The following LCMT1 variants were observed in gnomAD, a reference collection of about 807,000 sequenced individuals.
LCMT1 encodes [Phosphatase 2A protein]-leucine-carboxy methyltransferase 1.
In LCMT1, 32 loss-of-function variants were observed where a neutral mutation model predicts 47.7. The ratio of observed to expected loss-of-function variants is 0.67; its 90% CI spans 0.51 to 0.90. LCMT1 has a LOEUF of 0.90. Ranked by LOEUF, LCMT1 falls within the 40% of genes least tolerant of loss-of-function variation. The probability of loss-of-function intolerance (pLI) is 0.00; values close to 1 mark genes in which losing one functional copy is unlikely to be tolerated. For missense variants in LCMT1, 375 were observed against 415.2 expected (o/e 0.90, Z 0.84); for synonymous variants, 152 against 149.7 (o/e 1.02, Z -0.11).
At chr16:25,174,246 G>A (rs2141719916) in intron 9 of LCMT1, among the ~76,000 whole-genome samples, 1 of 152,292 alleles carries the variant, frequency 6.6e-6, no homozygotes, top group East Asian at 1.9e-4. Flanking sequence ...CATTTAAAAG[G>A]CTTTTTGGGA....
chr16:25,164,784 A>C (rs1597601107), intron 7 of LCMT1, 66 bp downstream of exon 7: 5 of 1,604,654 alleles, frequency 3.1e-6, no homozygotes, highest in Non-Finnish European at 4.3e-6. Flanking sequence ...CTCTCCCAGC[A>C]CCCTTAGGAT....
At chr16:25,138,099 A>G (rs571574897) in intron 3 of LCMT1, among the ~76,000 whole-genome samples, 1 of 152,216 alleles carries the variant, frequency 6.6e-6, no homozygotes, top group South Asian at 2.1e-4. Context: ...CGAAGCCATC[A>G]CCAGGTTCTG....
intron 4 of LCMT1, chr16:25,148,236 T>C (rs1053488793): frequency 1.3e-5 from 2 of 152,262 alleles, no homozygotes; most frequent in East Asian, 1.9e-4. Context: ...TACTGACCAG[T>C]GTCCTGCATT....
At chr16:25,142,219 A>G (rs1960716517) in intron 4 of LCMT1, 1 of 152,178 alleles carries the variant, frequency 6.6e-6, no homozygotes, top group East Asian at 1.9e-4. Context: ...GGAGAGAGGT[A>G]TGACTGTTTT....
At chr16:25,136,111 A>AT (rs1960496546) in intron 3 of LCMT1, among the ~76,000 whole-genome samples, 1 of 150,610 alleles carries the variant, frequency 6.6e-6, no homozygotes, top group Non-Finnish European at 1.5e-5. Context: ...AAAAAAAAAA[A>AT]GGAAAGGAAT....
At chr16:25,158,641 T>C (rs190386775) in intron 5 of LCMT1, 47 of 152,382 alleles carry the variant, frequency 3.1e-4, no homozygotes, top group African/African-American at 1.1e-3. Context: ...TGCTAGATTT[T>C]ATACAAATGG....
intron 3 of LCMT1, among the ~76,000 whole-genome samples, chr16:25,135,005 G>C (rs1370980313): frequency 6.6e-6 from 1 of 152,136 alleles, no homozygotes; most frequent in Non-Finnish European, 1.5e-5. Context: ...CAGGCCGCTG[G>C]AGAGATCCTG....
intron 3 of LCMT1, among the ~76,000 whole-genome samples, chr16:25,133,630 C>T (rs544297590): frequency 1.3e-5 from 2 of 150,510 alleles, no homozygotes; most frequent in Non-Finnish European, 3.0e-5. Flanking sequence ...ATCTTCTGAC[C>T]TTGTGATCTG....
At chr16:25,135,409 G>A (rs1960476606) in intron 3 of LCMT1, among the ~76,000 whole-genome samples, 1 of 152,116 alleles carries the variant, frequency 6.6e-6, no homozygotes, top group Non-Finnish European at 1.5e-5. Flanking sequence ...TTGGAAGGCA[G>A]CCACTCCCAT....
intron 4 of LCMT1, among the ~76,000 whole-genome samples, chr16:25,149,266 G>C (rs1186402733): frequency 1.3e-5 from 2 of 152,164 alleles, no homozygotes; most frequent in African/African-American, 4.8e-5. Context: ...AAGCTCATCA[G>C]CTATTGTTAG....
chr16:25,166,801 T>C (rs1382957089), intron 7 of LCMT1, among the ~76,000 whole-genome samples: 1 of 152,148 alleles, frequency 6.6e-6, no homozygotes, highest in African/African-American at 2.4e-5. Flanking sequence ...TGGTTGATTT[T>C]GCATCCTTCC....
chr16:25,113,322 G>A (rs1218234500), intron 1 of LCMT1, among the ~76,000 whole-genome samples: 1 of 152,184 alleles, frequency 6.6e-6, no homozygotes, highest in Non-Finnish European at 1.5e-5. Context: ...ATTAAACCTT[G>A]CACTTTTTAT....
chr16:25,133,793 G>A (rs1960423601), intron 3 of LCMT1, among the ~76,000 whole-genome samples: 1 of 151,176 alleles, frequency 6.6e-6, no homozygotes, highest in Admixed American at 6.6e-5. Context: ...CAGCACTTTG[G>A]GAGGCTGAGG....
At chr16:25,119,573 A>G (rs891241315) in intron 1 of LCMT1, among the ~76,000 whole-genome samples, 4 of 152,134 alleles carry the variant, frequency 2.6e-5, no homozygotes, top group Admixed American at 6.6e-5. Flanking sequence ...ACCGGGGCTT[A>G]TAAGGCTGAA....
chr16:25,161,889 A>G (rs567824597), intron 6 of LCMT1, among the ~76,000 whole-genome samples: 4 of 152,328 alleles, frequency 2.6e-5, no homozygotes, highest in Admixed American at 1.3e-4. Flanking sequence ...ACTGAATATC[A>G]TATGAAACAG....
At chr16:25,154,896 G>A (rs1292588343) in intron 5 of LCMT1, among the ~76,000 whole-genome samples, 1 of 151,758 alleles carries the variant, frequency 6.6e-6, no homozygotes, top group Non-Finnish European at 1.5e-5. Flanking sequence ...TTTTTACTCT[G>A]GTTCTTTATA....
intron 3 of LCMT1, among the ~76,000 whole-genome samples, chr16:25,139,261 C>T (rs1408807288): frequency 6.6e-6 from 1 of 152,222 alleles, no homozygotes; most frequent in African/African-American, 2.4e-5. Context: ...TACTGACTTT[C>T]CCAAGACCTT....
At chr16:25,138,133 T>TA (rs1423210407) in intron 3 of LCMT1, among the ~76,000 whole-genome samples, 1 of 152,206 alleles carries the variant, frequency 6.6e-6, no homozygotes, top group East Asian at 1.9e-4. Context: ...TTCTTTGTTT[T>TA]AAAAAAGTAG....
intron 5 of LCMT1, among the ~76,000 whole-genome samples, chr16:25,155,583 C>T (rs1961229019): frequency 6.6e-6 from 1 of 152,008 alleles, no homozygotes; most frequent in Non-Finnish European, 1.5e-5. Flanking sequence ...GTTCTGTTAC[C>T]TCCTTGCTTA....
Sources: allele counts gnomAD v4.1 joint callset (sites outside exome capture counted in the v4.1 genomes callset), GRCh38; gene constraint gnomAD v4.1.1; transcripts MANE v1.5; gene names NCBI Gene and HGNC (gene_info 2026-07-23, HGNC 2026-07-21).